Variants in PDE1B observed in about 807,000 individuals in gnomAD.
The protein encoded by PDE1B is dual specificity calcium/calmodulin-dependent 3',5'-cyclic nucleotide phosphodiesterase 1B.
PDE1B carries 13 observed loss-of-function variants against 66.7 expected under a neutral mutation model. The ratio of observed to expected loss-of-function variants is 0.19; its 90% confidence interval spans 0.13 to 0.31. PDE1B has a LOEUF of 0.31. Ranked by LOEUF, PDE1B falls within the 10% of genes least tolerant of loss-of-function variation. PDE1B has a pLI of 1.00. For synonymous variants in PDE1B, 230 were observed against 253.9 expected, an observed-to-expected ratio of 0.91 and a Z score of 0.90; for missense variants, 485 against 682.3, an observed-to-expected ratio of 0.71 and a Z score of 3.22.
At chr12:54,566,628 A>G (rs955248020) in intron 2 of PDE1B, among the ~76,000 whole-genome samples, 1 of 152,206 alleles carries the variant, frequency 6.6e-6, no homozygotes, top group Non-Finnish European at 1.5e-5. Context: ...TCCTAAAAAC[A>G]TCACTCCAGG....
intron 3 of PDE1B, among the ~76,000 whole-genome samples, chr12:54,568,623 T>C (rs952707678): frequency 1.3e-5 from 2 of 151,966 alleles, no homozygotes; most frequent in Non-Finnish European, 2.9e-5. Context: ...GGCGGATGGA[T>C]CAACTGAGGT....
In PDE1B at chr12:54,573,880, T is replaced by A. The variant is rs369128128; in HGVS notation, c.1064+171T>A. ...GTGAGAGAGAGAGAGAGTGTGTGTG[T>A]GTGTGTGTGTGTGTGTGTGTGTGTG... On this transcript the variant is annotated intron_variant, in intron 10 of 15. Coordinates refer to ENST00000243052, the MANE Select transcript of PDE1B (RefSeq NM_000924.4). This position sits in a 1 kb window ranked among gnomAD's most constrained non-coding sequence, Gnocchi z 5.2. The A allele has an allele frequency of 0.063, 27,332 of 431,050 alleles. 436 individuals carry two copies. The highest frequency in any genetic ancestry group is 0.085 in the African/African-American group (3,280 of 38,438). 26.7% of individuals were successfully genotyped at this position (431,050 alleles called of 1,614,324 possible). A position where few individuals can be genotyped will look rare whatever the true frequency, so the allele number is the denominator to read the frequency against.
intron 1 of PDE1B, 38 bp downstream of exon 1, chr12:54,549,810 G>A (rs1479316057): frequency 7.5e-7 from 1 of 1,332,564 alleles, no homozygotes; most frequent in South Asian, 1.2e-5. Context: ...GGGTCTCTCG[G>A]CTGGGGCTGA....
chr12:54,554,383 GAC>G (rs1338886468), intron 2 of PDE1B: 1 of 152,158 alleles, frequency 6.6e-6, no homozygotes, highest in East Asian at 1.9e-4. Flanking sequence ...CCTTGGTGGG[GAC>G]AGTTTTTTAG....
rs982320161 is a variant in PDE1B at position 54,575,332 on chromosome 12, C to T, written c.1185+114C>T. 9.3e-6 allele frequency: 9 copies of T among 968,762 alleles called. No homozygotes were observed. The African/African-American group carries it at 1.1e-4, about 12-fold the overall frequency. The allele number at this position is 968,762 out of a possible 1,614,324, so 60.0% of individuals were successfully genotyped here. Reference sequence around the variant, plus strand: ...CCTTTTGCTACCTGTAGTCTCTGACCTGATCCCAAATCCTTGGGGTAAAAC... The same window carrying T: ...CCTTTTGCTACCTGTAGTCTCTGACTTGATCCCAAATCCTTGGGGTAAAAC... On this transcript the variant is annotated intron_variant, in intron 11 of 15. Coordinates refer to ENST00000243052, the MANE Select transcript of PDE1B (RefSeq NM_000924.4). This position sits in a 1 kb window ranked among gnomAD's most constrained non-coding sequence, Gnocchi z 4.0.
chr12:54,567,966 T>G (rs1188801803), intron 3 of PDE1B, among the ~76,000 whole-genome samples: 4 of 152,228 alleles, frequency 2.6e-5, no homozygotes, highest in Admixed American at 2.6e-4. Context: ...AAGCAATTCT[T>G]CTGCCTCAGC....
chr12:54,561,550 A>G (rs1329011040), intron 2 of PDE1B: 2 of 1,499,494 alleles, frequency 1.3e-6, no homozygotes, highest in Non-Finnish European at 1.8e-6. Flanking sequence ...TGGGGTCAGG[A>G]TTTTGATACT....
intron 2 of PDE1B, among the ~76,000 whole-genome samples, chr12:54,557,592 G>T (rs1957358014): frequency 6.6e-6 from 1 of 152,200 alleles, no homozygotes; most frequent in Non-Finnish European, 1.5e-5. Flanking sequence ...GCAGTGCTGG[G>T]ACCAGACCCA....
intron 2 of PDE1B, among the ~76,000 whole-genome samples, chr12:54,557,812 T>A (rs1957361265): frequency 6.6e-6 from 1 of 152,056 alleles, no homozygotes; most frequent in South Asian, 2.1e-4. Context: ...CAAAATCAAA[T>A]GGTGTAGGGA....
intron 2 of PDE1B, 62 bp downstream of exon 2, chr12:54,550,047 G>T: frequency 6.3e-7 from 1 of 1,576,660 alleles, no homozygotes; most frequent in Middle Eastern, 1.7e-4. Context: ...GGAGGAGGAG[G>T]GGGGATAACT....
intron 2 of PDE1B, among the ~76,000 whole-genome samples, chr12:54,552,353 G>A (rs139476284): frequency 0.021 from 3,160 of 152,216 alleles, 49 homozygotes; most frequent in Middle Eastern, 0.041. Context: ...TCTGGAAATA[G>A]GAAATAGACA....
chr12:54,573,109 GCGT>G lies in PDE1B; in HGVS notation c.736-37_736-35del, dbSNP rs769949144. ...GAGGTTCCTGGGAAGTGACCAGCAG[GCGT>G]CACCCCTCTCTCATTCTTTCTCTTT... On this transcript the variant is annotated intron_variant, in intron 7 of 15. Transcript: ENST00000243052. This position sits in a 1 kb window ranked among gnomAD's most constrained non-coding sequence, Gnocchi z 5.2. 1.2e-5 allele frequency: 18 copies of G among 1,449,520 alleles called. No individual in the cohort carries two copies. Among genetic ancestry groups the G allele is most frequent in the Non-Finnish European group, 1.7e-5 (17 of 1,030,292 alleles). 89.8% of individuals were successfully genotyped at this position (1,449,520 alleles called of 1,614,324 possible). A position where few individuals can be genotyped will look rare whatever the true frequency, so the allele number is the denominator to read the frequency against.
At chr12:54,551,821 A>C (rs1311348223) in intron 2 of PDE1B, among the ~76,000 whole-genome samples, 1 of 152,206 alleles carries the variant, frequency 6.6e-6, no homozygotes, top group East Asian at 1.9e-4. Flanking sequence ...GAGTAGAGGC[A>C]TCTGTCTCTC....
chr12:54,575,768 G>C lies in PDE1B; in HGVS notation c.1267+136G>C. 1 of 781,444 alleles carries C rather than the reference G, an allele frequency of 1.3e-6. No individual in the cohort carries two copies. Among genetic ancestry groups the C allele is most frequent in the South Asian group, 1.5e-5 (1 of 66,076 alleles). The allele number at this position is 781,444 out of a possible 1,614,324, so 48.4% of individuals were successfully genotyped here. ...AAAGCCTACTGTGCTAGAGCATGGGGTCCTGGGTTAGGAGGCCAGGGGGCT... is the reference window on the plus strand; with the variant it reads ...AAAGCCTACTGTGCTAGAGCATGGGCTCCTGGGTTAGGAGGCCAGGGGGCT... On this transcript the variant is annotated intron_variant, in intron 12 of 15. Transcript: ENST00000243052. The surrounding 1 kb of genome is among the most constrained non-coding windows in gnomAD (Gnocchi z 4.0).
At chr12:54,556,661 AG>A (rs1957345291) in intron 2 of PDE1B, among the ~76,000 whole-genome samples, 1 of 152,140 alleles carries the variant, frequency 6.6e-6, no homozygotes, top group Non-Finnish European at 1.5e-5. Flanking sequence ...TTTTGGGGTA[AG>A]GCCTGGGGGC....
chr12:54,561,469 C>CTA, intron 2 of PDE1B: 2 of 1,358,912 alleles, frequency 1.5e-6, no homozygotes, highest in Non-Finnish European at 1.9e-6. Context: ...TTGCTCAGTT[C>CTA]TACTGGGACC....
chr12:54,562,069 C>T (rs982834658), intron 2 of PDE1B, among the ~76,000 whole-genome samples: 3 of 152,256 alleles, frequency 2.0e-5, no homozygotes, highest in East Asian at 1.9e-4. Context: ...TCTCCCCAGA[C>T]GCACTCAAAA....
chr12:54,550,291 C>T lies in PDE1B; in HGVS notation c.113+306C>T, dbSNP rs528391135. 1.5e-5 allele frequency: 18 copies of T among 1,180,126 alleles called. No individual in the cohort carries two copies. The East Asian group carries it at 7.3e-4, about 48-fold the overall frequency. 73.1% of individuals were successfully genotyped at this position (1,180,126 alleles called of 1,614,324 possible). A position where few individuals can be genotyped will look rare whatever the true frequency, so the allele number is the denominator to read the frequency against. ...CAGTATATGCAGTGTGGCAGGGCTGCAGGAGGGCAGTAGAGGTGCCAGGCT... is the reference window on the plus strand; with the variant it reads ...CAGTATATGCAGTGTGGCAGGGCTGTAGGAGGGCAGTAGAGGTGCCAGGCT... On this transcript the variant is annotated intron_variant, in intron 2 of 15. Coordinates refer to ENST00000243052, the MANE Select transcript of PDE1B (RefSeq NM_000924.4).
rs574838194 is a variant in PDE1B at position 54,569,199 on chromosome 12, G to A, written c.243G>A (p.Thr81=). The change falls in exon 4 of 16, where the codon ACG becomes ACA. Residue 81 remains threonine (T), a synonymous_variant. Coordinates refer to ENST00000243052, the MANE Select transcript of PDE1B (RefSeq NM_000924.4). This position sits in a 1 kb window ranked among gnomAD's most constrained non-coding sequence, Gnocchi z 4.4. The part of the protein sequence containing the change: ...YIDETRQILD[T]EDELQELRSD... ...GGGGTCTCAGGCAAATCTTGGACAC[G>A]GAGGACGAGCTGCAGGAGCTGCGGT... The A allele has an allele frequency of 1.4e-5, 22 of 1,607,358 alleles. No homozygotes were observed. Among genetic ancestry groups the A allele is most frequent in the East Asian group, 1.1e-4 (5 of 44,748 alleles).
Sources: allele counts gnomAD v4.1 joint callset (sites outside exome capture counted in the v4.1 genomes callset), GRCh38; gene constraint gnomAD v4.1.1; non-coding constraint Gnocchi (gnomAD v3.1); transcripts MANE v1.5; gene names NCBI Gene and HGNC (gene_info 2026-07-23, HGNC 2026-07-21).